DIS3L2: variants seen among roughly 807,000 people sequenced by gnomAD.
DIS3L2 encodes DIS3 like 3'-5' exoribonuclease 2, also known as DIS3-like exonuclease 2.
A neutral mutation model predicts 97.5 loss-of-function variants in DIS3L2; 34 were observed. The ratio of observed to expected loss-of-function variants is 0.35; its 90% CI spans 0.27 to 0.46. The LOEUF is 0.46. DIS3L2 is among the 20% of genes least tolerant of loss of function. DIS3L2 has a pLI of 1.00. For synonymous variants in DIS3L2, 435 were observed against 445.2 expected (o/e 0.98, Z 0.29); for missense variants, 1,038 against 1,146.0 (o/e 0.91, Z 1.36).
intron 5 of DIS3L2, among the ~76,000 whole-genome samples, chr2:232,056,459 T>C (rs946196812): frequency 8.6e-5 from 13 of 151,464 alleles, no homozygotes; most frequent in Non-Finnish European, 1.6e-4. Context: ...AAAGAACTCT[T>C]CAAAAATACC....
intron 1 of DIS3L2, among the ~76,000 whole-genome samples, chr2:231,979,957 C>T (rs1386375088): frequency 1.3e-5 from 2 of 152,122 alleles, no homozygotes; most frequent in Admixed American, 1.3e-4. Flanking sequence ...GGTTCTCTCT[C>T]CTAGTGATTT....
chr2:232,239,732 T>A (rs1272089301), intron 11 of DIS3L2, among the ~76,000 whole-genome samples: 1 of 152,190 alleles, frequency 6.6e-6, no homozygotes, highest in Non-Finnish European at 1.5e-5. Flanking sequence ...GGGCTCCACT[T>A]CTAGCAAAGT....
intron 9 of DIS3L2, among the ~76,000 whole-genome samples, chr2:232,165,640 T>A (rs1334752955): frequency 1.3e-5 from 2 of 152,202 alleles, no homozygotes; most frequent in African/African-American, 2.4e-5. Flanking sequence ...TCTTCTGCCT[T>A]AGCCTCCCAA....
intron 9 of DIS3L2, among the ~76,000 whole-genome samples, chr2:232,185,914 G>T (rs948940720): frequency 6.7e-6 from 1 of 150,128 alleles, no homozygotes; most frequent in Non-Finnish European, 1.5e-5. Flanking sequence ...ATAAAGATAA[G>T]CACTTAAGTC....
At chr2:232,025,414 T>C (rs1488075229) in intron 4 of DIS3L2, among the ~76,000 whole-genome samples, 1 of 152,196 alleles carries the variant, frequency 6.6e-6, no homozygotes, top group Non-Finnish European at 1.5e-5. Flanking sequence ...TGACCTATTC[T>C]CAAGCTCAGT....
intron 5 of DIS3L2, among the ~76,000 whole-genome samples, chr2:232,070,051 A>G (rs1178760811): frequency 6.6e-6 from 1 of 152,252 alleles, no homozygotes; most frequent in Non-Finnish European, 1.5e-5. Flanking sequence ...GTATGAGTCA[A>G]AGAAAAGCAA....
At chr2:232,015,095 A>C in intron 2 of DIS3L2, 116 bp downstream of exon 2, 2 of 948,834 alleles carry the variant, frequency 2.1e-6, no homozygotes, top group Non-Finnish European at 3.2e-6. Context: ...TCTTTTAGTG[A>C]CCTGTTAAGT....
At chr2:231,981,144 A>G (rs757762202) in intron 1 of DIS3L2, among the ~76,000 whole-genome samples, 2 of 152,064 alleles carry the variant, frequency 1.3e-5, no homozygotes, top group Admixed American at 6.6e-5. Context: ...GGGTTTCTCC[A>G]TGTTGGGCAG....
intron 5 of DIS3L2, among the ~76,000 whole-genome samples, chr2:232,085,751 C>G (rs778253717): frequency 6.6e-6 from 1 of 152,110 alleles, no homozygotes; most frequent in Non-Finnish European, 1.5e-5. Flanking sequence ...CATCAGAGTG[C>G]TGTATGTGAC....
chr2:232,308,272 T>C (rs1326917130), intron 14 of DIS3L2, among the ~76,000 whole-genome samples: 1 of 152,156 alleles, frequency 6.6e-6, no homozygotes, highest in Non-Finnish European at 1.5e-5. Context: ...AGCTTTGGGG[T>C]GCCTGCTCCT....
chr2:232,080,717 A>G (rs998298387), intron 5 of DIS3L2, among the ~76,000 whole-genome samples: 1 of 151,962 alleles, frequency 6.6e-6, no homozygotes, highest in Non-Finnish European at 1.5e-5. Flanking sequence ...CCTGGGCAAC[A>G]TGACAAAACC....
chr2:231,982,761 C>T (rs1247906259), intron 1 of DIS3L2, among the ~76,000 whole-genome samples: 2 of 151,528 alleles, frequency 1.3e-5, no homozygotes, highest in Non-Finnish European at 2.9e-5. Flanking sequence ...CTGACTGCAA[C>T]CTCTGCCTTC....
chr2:232,111,268 A>C (rs1437334503), intron 6 of DIS3L2: 1 of 471,440 alleles, frequency 2.1e-6, no homozygotes, highest in South Asian at 1.5e-5. Context: ...GAGTTCATTA[A>C]AGAAAAATAC....
At chr2:232,273,121 C>G (rs1694049096) in intron 13 of DIS3L2, among the ~76,000 whole-genome samples, 1 of 152,142 alleles carries the variant, frequency 6.6e-6, no homozygotes, top group African/African-American at 2.4e-5. Context: ...AATCCTGCTG[C>G]AGAGAAGTTC....
intron 6 of DIS3L2, among the ~76,000 whole-genome samples, chr2:232,110,173 A>G (rs1559639073): frequency 6.6e-6 from 1 of 152,230 alleles, no homozygotes; most frequent in Non-Finnish European, 1.5e-5. Context: ...AATGGTTATT[A>G]TTAAAAAGTC....
In DIS3L2 at chr2:232,268,538, C is replaced by T. The variant is rs1424470892; in HGVS notation, c.1659+5098C>T. On this transcript the variant is annotated intron_variant, in intron 13 of 20. Coordinates refer to ENST00000325385, the MANE Select transcript of DIS3L2 (RefSeq NM_152383.5). This position sits in a 1 kb window ranked among gnomAD's most constrained non-coding sequence, Gnocchi z 4.1. ...CAACTCTGCTGTTGTAGTGTGAAAA[C>T]ACCAGCGTTGCTTTAAATGGATAAA... Among the ~76,000 whole-genome samples the T allele has an allele frequency of 6.6e-6, 1 of 152,358 alleles. No individual in the cohort carries two copies. Among genetic ancestry groups the T allele is most frequent in the East Asian group, 1.9e-4 (1 of 5,186 alleles).
At chr2:231,980,927 G>A (rs1314018864) in intron 1 of DIS3L2, among the ~76,000 whole-genome samples, 1 of 152,026 alleles carries the variant, frequency 6.6e-6, no homozygotes, top group African/African-American at 2.4e-5. Context: ...GTGCCACCAC[G>A]CCTGGCTAAT....
intron 5 of DIS3L2, among the ~76,000 whole-genome samples, chr2:232,075,486 G>A (rs982295032): frequency 1.6e-4 from 25 of 151,980 alleles, no homozygotes; most frequent in Non-Finnish European, 3.7e-4. Flanking sequence ...TTATCCTCAG[G>A]TTCTCTTTTC....
At chr2:232,195,574 G>T (rs1208099823) in intron 9 of DIS3L2, among the ~76,000 whole-genome samples, 1 of 130,768 alleles carries the variant, frequency 7.6e-6, no homozygotes, top group African/African-American at 2.9e-5. Context: ...TGGGGTAGGG[G>T]TGGTGGGTGG....
Sources: gnomAD v4.1 joint callset for allele counts (sites outside exome capture counted in the v4.1 genomes callset) on GRCh38, gnomAD v4.1.1 for gene constraint, Gnocchi (gnomAD v3.1) non-coding constraint, MANE v1.5 for transcripts, NCBI Gene and HGNC (gene_info 2026-07-23, HGNC 2026-07-21) for gene names.